The following BIRC6 variants were observed in gnomAD, a reference collection of about 807,000 sequenced individuals.
The protein encoded by BIRC6 is dual E2 ubiquitin-conjugating enzyme/E3 ubiquitin-protein ligase BIRC6.
BIRC6 carries 98 observed loss-of-function variants against 503.3 expected under a neutral mutation model. The observed-to-expected ratio is 0.19, with a 90% CI of 0.17 to 0.23. The LOEUF is 0.23. Among genes scored for constraint, BIRC6 ranks in the 10% least tolerant of loss-of-function variants. The probability of loss-of-function intolerance (pLI) is 1.00; values close to 1 mark genes in which losing one functional copy is unlikely to be tolerated. For synonymous variants in BIRC6, 2,240 were observed against 2,078.7 expected, an observed-to-expected ratio of 1.08 and a Z score of -2.11; for missense variants, 5,360 against 5,806.0, an observed-to-expected ratio of 0.92 and a Z score of 2.50.
rs753315327 is a variant in BIRC6, at chr2:32,415,638, G to A, written c.2347G>A (p.Glu783Lys). 1 of 1,613,932 alleles carries A rather than the reference G, an allele frequency of 6.2e-7. No homozygotes were observed. The highest frequency in any genetic ancestry group is 1.6e-4 in the Middle Eastern group (1 of 6,062). ...NSALCNRRKG[E>K]LESNLAVVNG... The stretch of plus-strand genomic sequence containing the variant: ...TGCACTATGTAATAGACGGAAAGGT[G>A]AGCTGGAATCAAATCTTGCTGTAGT... Residue 783 changes from glutamate (E) to lysine (K), a missense_variant, in exon 10 of 74, where the codon GAG becomes AAG. This residue lies in a region of BIRC6 where 700 missense variants were observed against 739.3 expected (regional missense o/e 0.95). Coordinates refer to ENST00000421745, the MANE Select transcript of BIRC6 (RefSeq NM_016252.4).
intron 59 of BIRC6, chr2:32,528,159 C>A (rs1205286371): frequency 6.6e-6 from 1 of 152,120 alleles, no homozygotes; most frequent in Non-Finnish European, 1.5e-5. Flanking sequence ...TTTATAGTAA[C>A]CTTTGAATAA....
chr2:32,537,959 C>T lies in BIRC6; in HGVS notation c.12292-5282C>T, dbSNP rs1030239576. ...TCCAGCCTGGGCGACAGCGAGACTC[C>T]GTCTCAAAAAAAAAAAAGCAAACAA... On this transcript the variant is annotated intron_variant, in intron 61 of 73. Coordinates refer to ENST00000421745, the MANE Select transcript of BIRC6 (RefSeq NM_016252.4). 3.3e-5 allele frequency among the ~76,000 whole-genome samples: 5 copies of T among 149,480 alleles called. No homozygotes were observed. The East Asian group carries it at 5.9e-4, about 18-fold the overall frequency.
In BIRC6 at chr2:32,415,328, A is replaced by T; in HGVS notation, c.2037A>T (p.Leu679Phe). 6.2e-7 allele frequency: 1 copy of T among 1,613,982 alleles called. No homozygotes were observed. Among genetic ancestry groups the T allele is most frequent in the South Asian group, 1.1e-5 (1 of 91,084 alleles). ...AGCTGGATAGTCAGGAGCAGTTGTT[A>T]TTGCAGGATCCTCCTGTGACTTACA... ...EMELDSQEQL[L>F]LQDPPVTYIQ... Residue 679 changes from leucine to phenylalanine, a missense_variant, in exon 10 of 74, where the codon TTA becomes TTT. Coordinates refer to ENST00000421745, the MANE Select transcript of BIRC6 (RefSeq NM_016252.4).
chr2:32,361,605 A>G (rs1266972105), intron 1 of BIRC6, among the ~76,000 whole-genome samples: 3 of 152,166 alleles, frequency 2.0e-5, no homozygotes, highest in African/African-American at 7.2e-5. Flanking sequence ...GTATAGTGAC[A>G]TGTATCCACC....
intron 65 of BIRC6, among the ~76,000 whole-genome samples, chr2:32,549,975 A>C (rs1359243060): frequency 6.6e-6 from 1 of 152,192 alleles, no homozygotes; most frequent in Non-Finnish European, 1.5e-5. Flanking sequence ...GCCAGTATAC[A>C]ACTGATTATT....
At chr2:32,421,154 T>G (rs1017792134) in intron 10 of BIRC6, among the ~76,000 whole-genome samples, 16 of 150,646 alleles carry the variant, frequency 1.1e-4, no homozygotes, top group Non-Finnish European at 1.6e-4. Context: ...GTCGCCAGGC[T>G]GGACTGCAGT....
chr2:32,525,601 T>C lies in BIRC6; in HGVS notation c.11893T>C (p.Phe3965Leu), dbSNP rs1344861741. 27 of 1,612,840 alleles carry C rather than the reference T, an allele frequency of 1.7e-5. No individual in the cohort carries two copies. The highest frequency in any genetic ancestry group is 2.2e-5 in the Non-Finnish European group (26 of 1,179,578). ...CAACAAAATAATTACTGTCCCAGTG[T>C]TTCACCTGTTTCACAAACTCTTGGC... The part of the protein sequence containing the change: ...AANKIITVPV[F>L]HLFHKLLAGQ... Residue 3965 changes from phenylalanine (F) to leucine (L), a missense_variant, in exon 59 of 74, where the codon TTT becomes CTT. This residue lies in a region of BIRC6 where 878 missense variants were observed against 928.9 expected (regional missense o/e 0.95). Coordinates refer to ENST00000421745, the MANE Select transcript of BIRC6 (RefSeq NM_016252.4).
chr2:32,484,139 A>G (rs1458533663), intron 39 of BIRC6, among the ~76,000 whole-genome samples: 2 of 152,096 alleles, frequency 1.3e-5, no homozygotes, highest in African/African-American at 4.8e-5. Context: ...AGCCTTCCAA[A>G]TTGCTGGGAT....
At chr2:32,373,214 T>C (rs2036231429) in intron 1 of BIRC6, among the ~76,000 whole-genome samples, 1 of 151,972 alleles carries the variant, frequency 6.6e-6, no homozygotes, top group Non-Finnish European at 1.5e-5. Context: ...AACTTTTTTC[T>C]ATTTCTGCAG....
chr2:32,503,365 A>G, intron 49 of BIRC6, 129 bp downstream of exon 49: 1 of 761,970 alleles, frequency 1.3e-6, no homozygotes, highest in Non-Finnish European at 2.1e-6. Context: ...AGTTTATTTT[A>G]GAGGTAGTGG....
intron 58 of BIRC6, 86 bp from the exon 59 acceptor site, chr2:32,525,378 T>C (rs2056174348): frequency 7.1e-7 from 1 of 1,410,824 alleles, no homozygotes; most frequent in Middle Eastern, 1.9e-4. Context: ...TAGGAATGCA[T>C]GCCTTATTAA....
intron 32 of BIRC6, among the ~76,000 whole-genome samples, chr2:32,472,316 G>T (rs185634190): frequency 2.1e-3 from 315 of 152,204 alleles, no homozygotes; most frequent in African/African-American, 7.1e-3. Flanking sequence ...TGACCCACCC[G>T]CCTCGGCCTC....
At chr2:32,543,214 C>T in intron 61 of BIRC6, 27 bp from the exon 62 acceptor site, 3 of 1,601,890 alleles carry the variant, frequency 1.9e-6, no homozygotes, top group Non-Finnish European at 2.6e-6. Context: ...TGTGAATGGC[C>T]AAGCCAACAC....
intron 40 of BIRC6, 150 bp from the exon 41 acceptor site, chr2:32,487,497 T>G: frequency 1.7e-6 from 1 of 604,744 alleles, no homozygotes. Flanking sequence ...TAAAAACACG[T>G]TTTTCAAATA....
rs1479941079 is a variant in BIRC6, at chr2:32,359,084, G to A, written c.325+1598G>A. Among the ~76,000 whole-genome samples the A allele has an allele frequency of 2.0e-5, 3 of 152,174 alleles. No homozygotes were observed. In the South Asian group the frequency reaches 6.2e-4, roughly 32 times the overall value. On this transcript the variant is annotated intron_variant, in intron 1 of 73. Transcript: ENST00000421745. ...TACAAATAGGATTAAAATCTCAGCT[G>A]AATCTCTCCTGGACTGCATTTCTCC...
intron 9 of BIRC6, 104 bp downstream of exon 9, chr2:32,406,661 A>G (rs1304539417): frequency 5.2e-6 from 4 of 764,414 alleles, no homozygotes; most frequent in Non-Finnish European, 8.5e-6. Context: ...TGCTAACTCT[A>G]AATTTTTGCT....
At chr2:32,480,037 A>G (rs543645955) in intron 37 of BIRC6, among the ~76,000 whole-genome samples, 2 of 152,102 alleles carry the variant, frequency 1.3e-5, no homozygotes, top group South Asian at 4.1e-4. Flanking sequence ...TATCATCTCC[A>G]TACCCCTTAC....
chr2:32,590,077 G>T (rs937211971), intron 66 of BIRC6, among the ~76,000 whole-genome samples: 1 of 152,094 alleles, frequency 6.6e-6, no homozygotes, highest in African/African-American at 2.4e-5. Flanking sequence ...TTTATAGTAC[G>T]GAGATCTTCG....
At chr2:32,368,533 T>C (rs1022235804) in intron 1 of BIRC6, among the ~76,000 whole-genome samples, 2 of 151,688 alleles carry the variant, frequency 1.3e-5, no homozygotes, top group African/African-American at 4.8e-5. Context: ...TAGCGAGACT[T>C]TGTCCCCCAC....
Sources: gnomAD v4.1 joint callset for allele counts (sites outside exome capture counted in the v4.1 genomes callset) on GRCh38, gnomAD v4.1.1 for gene constraint, gnomAD v4.1.1 regional missense constraint, MANE v1.5 for transcripts, NCBI Gene and HGNC (gene_info 2026-07-23, HGNC 2026-07-21) for gene names.